The following MYO19 variants were observed in gnomAD, a reference collection of about 807,000 sequenced individuals.
The protein encoded by MYO19 is unconventional myosin-XIX.
In MYO19, 132 loss-of-function variants were observed where a neutral mutation model predicts 129.2. The ratio of observed to expected loss-of-function variants is 1.02; its 90% CI spans 0.89 to 1.18. MYO19 has a LOEUF of 1.18. Ranked by LOEUF, MYO19 falls within the 50% of genes most tolerant of loss-of-function variation. The pLI, the probability that MYO19 is intolerant of heterozygous loss-of-function variation, is 0.00. For synonymous variants in MYO19, 531 were observed against 477.2 expected (o/e 1.11, Z -1.47); for missense variants, 1,210 against 1,216.7 (o/e 0.99, Z 0.08).
rs963081455 is a variant in MYO19 at position 36,507,622 on chromosome 17, G to A, written c.1354-110C>T. 3.0e-6 allele frequency: 4 copies of A among 1,352,100 alleles called. No homozygotes were observed. The African/African-American group carries it at 5.8e-5, about 19-fold the overall frequency. 83.8% of individuals were successfully genotyped at this position (1,352,100 alleles called of 1,614,324 possible). ...CAGCGTATTCCAGAACAGCATCAAA[G>A]AAACAAAAGTATATCAAAACATTAC... On this transcript the variant is annotated intron_variant, in intron 15 of 25. Coordinates refer to ENST00000614623, the MANE Select transcript of MYO19 (RefSeq NM_001163735.2).
intron 6 of MYO19, among the ~76,000 whole-genome samples, chr17:36,522,746 G>A (rs62070731): frequency 4.6e-5 from 7 of 152,042 alleles, no homozygotes; most frequent in East Asian, 3.9e-4. Flanking sequence ...GATGGCTCAC[G>A]CCTGTAATCC....
intron 11 of MYO19, among the ~76,000 whole-genome samples, chr17:36,512,214 C>CACAG (rs2072388565): frequency 1.3e-5 from 2 of 150,414 alleles, no homozygotes; most frequent in Admixed American, 1.3e-4. Flanking sequence ...CACACACACA[C>CACAG]ACACACACAC....
At chr17:36,505,036 A>C (rs534045701) in intron 19 of MYO19, 1 of 682,170 alleles carries the variant, frequency 1.5e-6, no homozygotes, top group South Asian at 1.5e-5. Flanking sequence ...GGGCAGTTTC[A>C]GTCTCTCATC....
chr17:36,541,687 A>C (rs142564731), intron 2 of MYO19, among the ~76,000 whole-genome samples: 24 of 152,338 alleles, frequency 1.6e-4, no homozygotes, highest in African/African-American at 5.5e-4. Context: ...GCATTTCACA[A>C]TGCCAATATC....
intron 6 of MYO19, among the ~76,000 whole-genome samples, chr17:36,524,724 G>A (rs1444333982): frequency 6.6e-6 from 1 of 152,208 alleles, no homozygotes; most frequent in African/African-American, 2.4e-5. Flanking sequence ...CTTTGGAGGA[G>A]CACTGCCACA....
upstream of MYO19, chr17:36,538,646 G>A: frequency 6.8e-7 from 1 of 1,474,970 alleles, no homozygotes. Flanking sequence ...TAAGTATTTG[G>A]GCAATATTTA....
At chr17:36,538,400 A>T (rs1193796696), upstream of MYO19, 2 of 1,614,178 alleles carry the variant, frequency 1.2e-6, no homozygotes, top group East Asian at 4.5e-5. Flanking sequence ...AAGCCGAAAG[A>T]ATGGAACCCA....
At chr17:36,513,770 A>C in intron 9 of MYO19, 45 bp from the exon 10 acceptor site, 12 of 1,563,882 alleles carry the variant, frequency 7.7e-6, no homozygotes, top group Non-Finnish European at 1.1e-5. Context: ...GGTCTGAGAA[A>C]AGCCCAGGCC....
rs1186507383 is a variant in MYO19 at position 36,514,550 on chromosome 17, T to G, written c.618-2A>C. On this transcript the variant is annotated splice_acceptor_variant, in intron 8 of 25. Coordinates refer to ENST00000614623, the MANE Select transcript of MYO19 (RefSeq NM_001163735.2). LOFTEE classifies it high-confidence loss of function. ...GCGGCTCCAGTCATTTGCTGAGCCC[T>G]GGGACACACACAGGCCAGAGCCCGT... The G allele has an allele frequency of 1.2e-6, 2 of 1,600,736 alleles. No homozygotes were observed. Among genetic ancestry groups the G allele is most frequent in the Non-Finnish European group, 1.7e-6 (2 of 1,167,858 alleles).
intron 23 of MYO19, 143 bp from the exon 24 acceptor site, chr17:36,499,303 C>A (rs1274796326): frequency 5.4e-6 from 3 of 551,936 alleles, no homozygotes; most frequent in African/African-American, 3.9e-5. Context: ...AAATAAGGTT[C>A]TAAAATCAAT....
intron 23 of MYO19, 63 bp from the exon 24 acceptor site, chr17:36,499,223 C>T: frequency 1.6e-6 from 2 of 1,227,760 alleles, no homozygotes; most frequent in Non-Finnish European, 2.3e-6. Context: ...TGTCAGTGAC[C>T]TCGCTGCAGC....
At position 36,510,081 on chromosome 17, in the gene MYO19, C is replaced by T. The variant is rs144311247; in HGVS notation, c.1157+665G>A. Among the ~76,000 whole-genome samples, 356 of 152,338 alleles carry T rather than the reference C, an allele frequency of 2.3e-3. 2 individuals are homozygous for T. The highest frequency in any genetic ancestry group is 8.3e-3 in the African/African-American group (345 of 41,574). ...AGGGGACCCTCTCCCCAGAAAGGTG[C>T]CCAAGGTCTCATGTGCACATGCACA... On this transcript the variant is annotated intron_variant, in intron 13 of 25. Transcript: ENST00000614623.
rs562147503 is a variant in MYO19, at chr17:36,524,492, G to C, written c.414+736C>G. Among the ~76,000 whole-genome samples the C allele has an allele frequency of 1.5e-4, 23 of 152,322 alleles. 1 individual carries two copies. Among genetic ancestry groups the C allele is most frequent in the African/African-American group, 5.5e-4 (23 of 41,574 alleles). On this transcript the variant is annotated intron_variant, in intron 6 of 25. Transcript: ENST00000614623. ...TTGTCAAGAAGGTGGCAAGGCCTTG[G>C]CCAATAGTCTCCTTTGACTAGCTGT... is the stretch of plus-strand genomic sequence containing the variant.
At chr17:36,506,745 A>G in intron 17 of MYO19, 137 bp from the exon 18 acceptor site, 1 of 1,174,176 alleles carries the variant, frequency 8.5e-7, no homozygotes, top group Non-Finnish European at 1.2e-6. Context: ...CCATTGGACA[A>G]CCAGAGACCT....
intron 9 of MYO19, among the ~76,000 whole-genome samples, chr17:36,514,070 G>A (rs992821921): frequency 1.3e-5 from 2 of 152,166 alleles, no homozygotes; most frequent in African/African-American, 4.8e-5. Context: ...TCCATGCCTT[G>A]GGGGACTCCC....
chr17:36,543,693 G>A (rs1189130122), upstream of MYO19, among the ~76,000 whole-genome samples: 2 of 150,830 alleles, frequency 1.3e-5, no homozygotes, highest in African/African-American at 4.9e-5. Flanking sequence ...GGCGCGATCT[G>A]GGCTCACTGC....
At chr17:36,518,381 G>A (rs1194688313) in intron 6 of MYO19, among the ~76,000 whole-genome samples, 1 of 149,282 alleles carries the variant, frequency 6.7e-6, no homozygotes, top group African/African-American at 2.5e-5. Flanking sequence ...TGTAATCCCA[G>A]CTACTCAGAA....
upstream of MYO19, chr17:36,538,807 G>A (rs996188576): frequency 1.3e-5 from 7 of 548,174 alleles, no homozygotes. Context: ...AGGCTGGAGT[G>A]TAGTGGTGCC....
upstream of MYO19, chr17:36,538,456 TC>T: frequency 1.9e-6 from 3 of 1,614,204 alleles, no homozygotes; most frequent in Non-Finnish European, 2.5e-6. Context: ...TTAATATTTT[TC>T]TTGCTGTCAA....
Sources: allele counts gnomAD v4.1 joint callset (sites outside exome capture counted in the v4.1 genomes callset), GRCh38; gene constraint gnomAD v4.1.1; transcripts MANE v1.5; gene names NCBI Gene and HGNC (gene_info 2026-07-23, HGNC 2026-07-21).